Variants in FBXL20 observed in about 807,000 individuals in gnomAD.
FBXL20 encodes F-box/LRR-repeat protein 20.
Under a neutral mutation model 64.0 loss-of-function variants are expected in FBXL20, and 11 were observed. That is an observed-to-expected ratio of 0.17 (90% CI 0.11 to 0.28). The LOEUF is 0.28. FBXL20 is among the 10% of genes least tolerant of loss of function. FBXL20 has a pLI of 1.00. For missense variants in FBXL20, 303 were observed against 526.2 expected, an observed-to-expected ratio of 0.58 and a Z score of 4.15; for synonymous variants, 184 against 189.0, an observed-to-expected ratio of 0.97 and a Z score of 0.22.
intron 2 of FBXL20, among the ~76,000 whole-genome samples, chr17:39,304,762 T>G (rs941686279): frequency 1.2e-4 from 18 of 152,004 alleles, no homozygotes; most frequent in Admixed American, 3.3e-4. Context: ...CAGCTAATTT[T>G]TTTTTGTTGT....
At chr17:39,291,431 CTTTTT>C (rs907454529) in intron 6 of FBXL20, among the ~76,000 whole-genome samples, 7 of 110,486 alleles carry the variant, frequency 6.3e-5, no homozygotes, top group African/African-American at 1.2e-4. Flanking sequence ...TAAAACTTTT[CTTTTT>C]TTTTTTTTTT....
chr17:39,323,991 C>G (rs1249457966), intron 2 of FBXL20, among the ~76,000 whole-genome samples: 1 of 145,946 alleles, frequency 6.9e-6, no homozygotes, highest in Non-Finnish European at 1.5e-5. Context: ...GTCTCGAACT[C>G]CTGACCTCGT....
chr17:39,343,337 TAAAA>T, intron 1 of FBXL20, 96 bp from the exon 2 acceptor site: 1 of 812,174 alleles, frequency 1.2e-6, no homozygotes, highest in Non-Finnish European at 1.9e-6. Flanking sequence ...AGGAAAGAGG[TAAAA>T]AAATATAGTC....
At chr17:39,349,769 T>C (rs1463378470) in intron 1 of FBXL20, among the ~76,000 whole-genome samples, 4 of 151,966 alleles carry the variant, frequency 2.6e-5, no homozygotes, top group Non-Finnish European at 5.9e-5. Flanking sequence ...ACCCCATCTC[T>C]ACTAAAAATA....
chr17:39,304,718 A>G (rs1041493879), intron 2 of FBXL20, among the ~76,000 whole-genome samples: 1 of 152,116 alleles, frequency 6.6e-6, no homozygotes, highest in East Asian at 1.9e-4. Context: ...CAGCCTCCCA[A>G]ATAGCTGGGA....
At chr17:39,294,964 G>A (rs781094186) in intron 6 of FBXL20, among the ~76,000 whole-genome samples, 4 of 152,162 alleles carry the variant, frequency 2.6e-5, no homozygotes, top group Non-Finnish European at 2.9e-5. Context: ...GCAAGACATC[G>A]TCTCAAAACA....
chr17:39,305,724 G>A (rs768398235), intron 2 of FBXL20, among the ~76,000 whole-genome samples: 9 of 152,032 alleles, frequency 5.9e-5, no homozygotes, highest in Admixed American at 1.3e-4. Context: ...AGTGGCTCAC[G>A]ACTGTAATCC....
chr17:39,321,895 T>C (rs1406974957), intron 2 of FBXL20, among the ~76,000 whole-genome samples: 1 of 151,994 alleles, frequency 6.6e-6, no homozygotes, highest in Non-Finnish European at 1.5e-5. Context: ...AGGAAATCAG[T>C]TACCATATTC....
chr17:39,292,142 T>C (rs1056022396), intron 6 of FBXL20, among the ~76,000 whole-genome samples: 9 of 150,742 alleles, frequency 6.0e-5, no homozygotes, highest in Non-Finnish European at 1.5e-5. Flanking sequence ...TCATTGATAG[T>C]GTTGCTGAAG....
intron 6 of FBXL20, among the ~76,000 whole-genome samples, chr17:39,292,867 T>C (rs913990928): frequency 6.6e-6 from 1 of 150,676 alleles, no homozygotes; most frequent in African/African-American, 2.4e-5. Flanking sequence ...CTCAGCTCAC[T>C]GTGCAACCTC....
At chr17:39,288,298 A>C (rs868645086) in intron 6 of FBXL20, among the ~76,000 whole-genome samples, 9 of 151,916 alleles carry the variant, frequency 5.9e-5, no homozygotes, top group Non-Finnish European at 1.0e-4. Context: ...CTTATTTGCC[A>C]TTCCTATGTC....
chr17:39,289,997 TCAAAA>T (rs1165310998), intron 6 of FBXL20, among the ~76,000 whole-genome samples: 10 of 33,000 alleles, frequency 3.0e-4, no homozygotes, highest in African/African-American at 2.4e-3. Flanking sequence ...AGACTCAGTC[TCAAAA>T]AAAAAAAAAA....
intron 4 of FBXL20, among the ~76,000 whole-genome samples, chr17:39,300,761 A>G (rs2047126930): frequency 6.6e-6 from 1 of 152,224 alleles, no homozygotes; most frequent in Non-Finnish European, 1.5e-5. Context: ...TTTCAAGACC[A>G]AAGAGTCCTA....
chr17:39,310,190 C>T (rs964121555), intron 2 of FBXL20, among the ~76,000 whole-genome samples: 1 of 151,230 alleles, frequency 6.6e-6, no homozygotes, highest in Non-Finnish European at 1.5e-5. Flanking sequence ...AAACAACTTG[C>T]TGAAACTCCT....
intron 1 of FBXL20, among the ~76,000 whole-genome samples, chr17:39,347,906 A>G (rs560730909): frequency 2.0e-5 from 3 of 152,250 alleles, no homozygotes; most frequent in East Asian, 1.9e-4. Context: ...AGCTTTCTAC[A>G]TATGGCAAGC....
chr17:39,356,658 C>T (rs2047744093), intron 1 of FBXL20, among the ~76,000 whole-genome samples: 1 of 151,814 alleles, frequency 6.6e-6, no homozygotes, highest in Admixed American at 6.6e-5. Flanking sequence ...GCTCGGCCTA[C>T]ATTTGTGTTT....
chr17:39,328,535 C>G (rs2047431193), intron 2 of FBXL20, among the ~76,000 whole-genome samples: 1 of 152,102 alleles, frequency 6.6e-6, no homozygotes. Context: ...GATAACAATG[C>G]ACTGAATATA....
At chr17:39,302,499 G>A (rs555580427) in intron 3 of FBXL20, among the ~76,000 whole-genome samples, 20 of 150,430 alleles carry the variant, frequency 1.3e-4, no homozygotes, top group Non-Finnish European at 2.2e-4. Context: ...TCAGCCTCCC[G>A]AGTAGCTGGG....
chr17:39,290,333 T>C (rs2144411626), intron 6 of FBXL20, among the ~76,000 whole-genome samples: 1 of 152,248 alleles, frequency 6.6e-6, no homozygotes, highest in East Asian at 1.9e-4. Flanking sequence ...TGGACTTTCC[T>C]ATGAATCCAA....
Sources: gnomAD v4.1 joint callset for allele counts (sites outside exome capture counted in the v4.1 genomes callset) on GRCh38, gnomAD v4.1.1 for gene constraint, MANE v1.5 for transcripts, NCBI Gene and HGNC (gene_info 2026-07-23, HGNC 2026-07-21) for gene names.